CCSAP: variants seen among roughly 807,000 people sequenced by gnomAD.
The protein encoded by CCSAP is centriole, cilia and spindle associated protein, also known as centriole, cilia and spindle-associated protein.
In CCSAP, 17 loss-of-function variants were observed where a neutral mutation model predicts 25.9. The ratio of observed to expected loss-of-function variants is 0.66; its 90% confidence interval spans 0.45 to 0.99. CCSAP has a LOEUF of 0.99. Among genes scored for constraint, CCSAP ranks in the 50% least tolerant of loss-of-function variants. The pLI is 0.00. For synonymous variants in CCSAP, 169 were observed against 157.1 expected (o/e 1.08, Z -0.57); for missense variants, 339 against 367.8 (o/e 0.92, Z 0.64).
At chr1:229,325,442 CTT>C in intron 3 of CCSAP, 31 bp from the exon 4 acceptor site, 1 of 1,594,128 alleles carries the variant, frequency 6.3e-7, no homozygotes, top group Non-Finnish European at 8.5e-7. Context: ...AGGATAGTAA[CTT>C]AAGGGGCTAT....
Position 229,329,476 on chromosome 1 carries a change from T to A in CCSAP, c.368-2470A>T, listed in dbSNP as rs561895919. Reference sequence around the variant, plus strand: ...TGGGGGAAATAAAGGCTTTATTTTATATATGCCAAACTCAGGCATTTTTAT... The same window carrying A: ...TGGGGGAAATAAAGGCTTTATTTTAAATATGCCAAACTCAGGCATTTTTAT... On this transcript the variant is annotated intron_variant, in intron 2 of 3. Transcript: ENST00000284617. 2.6e-5 allele frequency among the ~76,000 whole-genome samples: 4 copies of A among 152,238 alleles called. No individual in the cohort carries two copies. In the South Asian group the frequency reaches 8.3e-4, roughly 31 times the overall value.
chr1:229,326,949 GTC>G lies in CCSAP; in HGVS notation c.423_424del (p.Glu141AspfsTer2). The G allele has an allele frequency of 6.2e-7, 1 of 1,614,184 alleles. No individual in the cohort carries two copies. The highest frequency in any genetic ancestry group is 8.5e-7 in the Non-Finnish European group (1 of 1,180,036). ...CTCAGTACTGGTGGGTGATTTGTCA[GTC>G]TCTCTTGTTCTGGTTTGTTGTTCAG... On this transcript the variant is annotated frameshift_variant, in exon 3 of 4. Transcript: ENST00000284617. LOFTEE classifies it high-confidence loss of function.
Position 229,325,412 on chromosome 1 carries a change from C to T in CCSAP, c.637-1G>A. Reference sequence around the variant, plus strand: ...TGGCTCGTAATGCTGATTCATGAATCTAAAGAGAGTTCAAAATAAAGGATA... The same window carrying T: ...TGGCTCGTAATGCTGATTCATGAATTTAAAGAGAGTTCAAAATAAAGGATA... On this transcript the variant is annotated splice_acceptor_variant, in intron 3 of 3. Transcript: ENST00000284617. LOFTEE classifies it high-confidence loss of function. 6.2e-7 allele frequency: 1 copy of T among 1,610,272 alleles called. No homozygotes were observed. Among genetic ancestry groups the T allele is most frequent in the African/African-American group, 1.3e-5 (1 of 74,590 alleles).
At chr1:229,334,845 A>T (rs1281737942) in intron 2 of CCSAP, among the ~76,000 whole-genome samples, 1 of 152,254 alleles carries the variant, frequency 6.6e-6, no homozygotes, top group Non-Finnish European at 1.5e-5. Flanking sequence ...AAAAAAAGGT[A>T]TAAAGCCACA....
intron 2 of CCSAP, among the ~76,000 whole-genome samples, chr1:229,333,525 C>G (rs1658131455): frequency 6.6e-6 from 1 of 151,472 alleles, no homozygotes; most frequent in Non-Finnish European, 1.5e-5. Flanking sequence ...ATGCCACTGA[C>G]CTGTACACTT....
In CCSAP at chr1:229,342,115, C is replaced by A; in HGVS notation, c.351G>T (p.Glu117Asp). ...EAGDAEAEDA[E>D]DAALPALPVK... ...GCCGGGTACCTGGCAGAGCCGCGTC[C>A]TCCGCGTCCTCGGCCTCCGCGTCCC... Residue 117 changes from glutamate (E) to aspartate (D), a missense_variant, in exon 2 of 4, where the codon GAG (glutamate) becomes GAT (aspartate). Physicochemically the swap from Glu to Asp is conservative, Grantham distance 45 (BLOSUM62 2). Coordinates refer to ENST00000284617, the MANE Select transcript of CCSAP (RefSeq NM_145257.5). The surrounding 1 kb of genome is among the most constrained non-coding windows in gnomAD (Gnocchi z 7.5). 2 of 1,348,384 alleles carry A rather than the reference C, an allele frequency of 1.5e-6. No homozygotes were observed. Among genetic ancestry groups the A allele is most frequent in the Non-Finnish European group, 1.9e-6 (2 of 1,052,326 alleles). The allele number at this position is 1,348,384 out of a possible 1,614,324, so 83.5% of individuals were successfully genotyped here. A position where few individuals can be genotyped will look rare whatever the true frequency, so the allele number is the denominator to read the frequency against.
chr1:229,328,198 G>A (rs145629628), intron 2 of CCSAP, among the ~76,000 whole-genome samples: 8 of 152,334 alleles, frequency 5.3e-5, no homozygotes, highest in East Asian at 3.9e-4. Context: ...GTAAGAGTTC[G>A]TGACGGGTCT....
intron 2 of CCSAP, among the ~76,000 whole-genome samples, chr1:229,335,744 G>A (rs1425472337): frequency 6.6e-6 from 1 of 152,096 alleles, no homozygotes; most frequent in Non-Finnish European, 1.5e-5. Context: ...AGCCCAGCCG[G>A]GTCCCTCCAG....
intron 2 of CCSAP, among the ~76,000 whole-genome samples, chr1:229,330,521 GA>G (rs1436435190): frequency 6.6e-6 from 1 of 152,208 alleles, no homozygotes; most frequent in Non-Finnish European, 1.5e-5. Context: ...GAATAACCAG[GA>G]AAGAGGCTGA....
intron 2 of CCSAP, among the ~76,000 whole-genome samples, chr1:229,333,388 G>T (rs569367493): frequency 2.0e-4 from 27 of 137,754 alleles, no homozygotes; most frequent in African/African-American, 7.0e-4. Flanking sequence ...AGCCGAGATC[G>T]CGCCACTGCA....
chr1:229,333,234 C>T (rs1001828770), intron 2 of CCSAP, among the ~76,000 whole-genome samples: 8 of 151,528 alleles, frequency 5.3e-5, no homozygotes, highest in African/African-American at 1.5e-4. Context: ...AGATAGAGAC[C>T]ATCCTGGGTA....
intron 2 of CCSAP, among the ~76,000 whole-genome samples, chr1:229,334,070 T>G (rs1470149073): frequency 6.6e-6 from 1 of 150,954 alleles, no homozygotes; most frequent in Non-Finnish European, 1.5e-5. Context: ...TTAGGTTTTT[T>G]TGTTTGTTTG....
intron 3 of CCSAP, among the ~76,000 whole-genome samples, 161 bp downstream of exon 3, chr1:229,326,577 A>G (rs996041341): frequency 2.6e-5 from 4 of 152,194 alleles, no homozygotes; most frequent in African/African-American, 9.7e-5. Flanking sequence ...GGTTCATCAG[A>G]GGCTCCATTC....
In CCSAP at chr1:229,342,338, G is replaced by T; in HGVS notation, c.128C>A (p.Ala43Glu). The T allele has an allele frequency of 6.7e-7, 1 of 1,502,846 alleles. No homozygotes were observed. Among genetic ancestry groups the T allele is most frequent in the Non-Finnish European group, 8.9e-7 (1 of 1,127,554 alleles). The allele number at this position is 1,502,846 out of a possible 1,614,324, so 93.1% of individuals were successfully genotyped here. The change falls in exon 2 of 4, where the codon GCG (alanine) becomes GAG (glutamate). Residue 43 changes from alanine (A) to glutamate (E), a missense_variant. Transcript: ENST00000284617. The surrounding 1 kb of genome is among the most constrained non-coding windows in gnomAD (Gnocchi z 7.5). ...YRLGRRLLEQ[A>E]HAPWLWDDWG... ...GTCGTCCCAGAGCCAGGGCGCGTGC[G>T]CCTGCTCCAGCAGCCGGCGGCCTAG...
At chr1:229,332,808 T>C (rs1308977239) in intron 2 of CCSAP, among the ~76,000 whole-genome samples, 4 of 152,194 alleles carry the variant, frequency 2.6e-5, no homozygotes, top group African/African-American at 7.2e-5. Flanking sequence ...ATGTGGCTAG[T>C]GGCTACCCTG....
At chr1:229,325,737 GTATT>G (rs1356141350) in intron 3 of CCSAP, among the ~76,000 whole-genome samples, 1 of 152,232 alleles carries the variant, frequency 6.6e-6, no homozygotes, top group African/African-American at 2.4e-5. Context: ...TTAAACATAA[GTATT>G]TAATTAACGA....
Position 229,342,527 on chromosome 1 carries a change from T to G in CCSAP, c.-48-14A>C. ...GCTGCCCGCAGCCTACGGGACCCGG[T>G]ACACGACACAGAGGCCGCCCCGCCC... On this transcript the variant is annotated splice_polypyrimidine_tract_variant and intron_variant, in intron 1 of 3. Transcript: ENST00000284617. The surrounding 1 kb of genome is among the most constrained non-coding windows in gnomAD (Gnocchi z 7.5). 8.6e-7 allele frequency: 1 copy of G among 1,159,254 alleles called. No individual in the cohort carries two copies. The highest frequency in any genetic ancestry group is 1.1e-6 in the Non-Finnish European group (1 of 904,858). 71.8% of individuals were successfully genotyped at this position (1,159,254 alleles called of 1,614,324 possible).
chr1:229,335,249 G>T (rs1658169500), intron 2 of CCSAP, among the ~76,000 whole-genome samples: 1 of 152,100 alleles, frequency 6.6e-6, no homozygotes, highest in South Asian at 2.1e-4. Flanking sequence ...AACCCAGGAG[G>T]TCAATGCTAC....
chr1:229,342,013 G>A lies in CCSAP; in HGVS notation c.367+86C>T. The stretch of plus-strand genomic sequence containing the variant: ...AAAGGAAGAGCCAGCCCCGAGTGGC[G>A]CAAGAAATAAGAGATCAGCTGCTCA... On this transcript the variant is annotated intron_variant, in intron 2 of 3. Coordinates refer to ENST00000284617, the MANE Select transcript of CCSAP (RefSeq NM_145257.5). This position sits in a 1 kb window ranked among gnomAD's most constrained non-coding sequence, Gnocchi z 7.5. 8.0e-7 allele frequency: 1 copy of A among 1,252,880 alleles called. No homozygotes were observed. The highest frequency in any genetic ancestry group is 1.0e-6 in the Non-Finnish European group (1 of 998,014). 77.6% of individuals were successfully genotyped at this position (1,252,880 alleles called of 1,614,324 possible).
Sources: gnomAD v4.1 joint callset for allele counts (sites outside exome capture counted in the v4.1 genomes callset) on GRCh38, gnomAD v4.1.1 for gene constraint, Gnocchi (gnomAD v3.1) non-coding constraint, MANE v1.5 for transcripts, NCBI Gene and HGNC (gene_info 2026-07-23, HGNC 2026-07-21) for gene names.